PCDHGA10: variants seen among roughly 807,000 people sequenced by gnomAD.
The protein encoded by PCDHGA10 is protocadherin gamma-A10.
In PCDHGA10, 42 loss-of-function variants were observed where a neutral mutation model predicts 59.5. The observed-to-expected ratio is 0.71, with a 90% CI of 0.55 to 0.91. The LOEUF (loss-of-function observed/expected upper bound fraction) is 0.91. Among genes scored for constraint, PCDHGA10 ranks in the 40% least tolerant of loss-of-function variants. The pLI, the probability that PCDHGA10 is intolerant of heterozygous loss-of-function variation, is 0.00. For synonymous variants in PCDHGA10, 511 were observed against 517.2 expected (o/e 0.99, Z 0.16); for missense variants, 1,111 against 1,198.2 (o/e 0.93, Z 1.07).
chr5:141,427,985 C>A (rs747784722), intron 1 of PCDHGA10: 23 of 1,597,524 alleles, frequency 1.4e-5, no homozygotes, highest in Non-Finnish European at 1.9e-5. Context: ...CGCTGGGGCC[C>A]GATGGCTCCG....
At chr5:141,501,313 ACAC>A (rs2099807743) in intron 2 of PCDHGA10, among the ~76,000 whole-genome samples, 1 of 151,686 alleles carries the variant, frequency 6.6e-6, no homozygotes, top group Non-Finnish European at 1.5e-5. Context: ...ACACACACAC[ACAC>A]ACACACACAC....
At position 141,477,271 on chromosome 5, in the gene PCDHGA10, G is replaced by T; in HGVS notation, c.2437-17536G>T. On this transcript the variant is annotated intron_variant, in intron 1 of 3. Transcript: ENST00000398610. The surrounding 1 kb of genome is among the most constrained non-coding windows in gnomAD (Gnocchi z 4.9). ...CTGACCTGGATGCTGGCGAGAACGG[G>T]CTGGTGACCTGCGAAGTTCCACCGG... The T allele has an allele frequency of 1.2e-6, 2 of 1,614,212 alleles. No homozygotes were observed. The highest frequency in any genetic ancestry group is 1.7e-6 in the Non-Finnish European group (2 of 1,180,044).
intron 1 of PCDHGA10, 110 bp from the exon 2 acceptor site, chr5:141,494,697 T>C: frequency 6.3e-7 from 1 of 1,590,934 alleles, no homozygotes; most frequent in Non-Finnish European, 8.6e-7. Flanking sequence ...TAGTCCGTTT[T>C]CTTCTCTGTG....
At position 141,512,047 on chromosome 5, in the gene PCDHGA10, C is replaced by T. The variant is rs1183612907; in HGVS notation, c.*874C>T. 1 of 152,722 alleles carries T rather than the reference C, an allele frequency of 6.5e-6. No individual in the cohort carries two copies. The highest frequency in any genetic ancestry group is 1.5e-5 in the Non-Finnish European group (1 of 68,120). The allele number at this position is 152,722 out of a possible 1,614,324, so 9.5% of individuals were successfully genotyped here. A position where few individuals can be genotyped will look rare whatever the true frequency, so the allele number is the denominator to read the frequency against. On this transcript the variant is annotated 3_prime_UTR_variant, in exon 4 of 4. Coordinates refer to ENST00000398610, the MANE Select transcript of PCDHGA10 (RefSeq NM_018913.3). The stretch of plus-strand genomic sequence containing the variant: ...CCTTGGAGGAGGCTCTGTATGTCCT[C>T]AGGGGACTGACAACATCCTCCAGAT...
rs2099415271 is a variant in PCDHGA10, at chr5:141,477,659, G to A, written c.2437-17148G>A. 6.2e-7 allele frequency: 1 copy of A among 1,614,194 alleles called. No individual in the cohort carries two copies. The highest frequency in any genetic ancestry group is 1.3e-5 in the African/African-American group (1 of 75,046). ...GGGTCGCTATTTCACAATAAATCGT[G>A]ACAATGGCATAGTGTCATCCTTAGT... On this transcript the variant is annotated intron_variant, in intron 1 of 3. Transcript: ENST00000398610. The surrounding 1 kb of genome is among the most constrained non-coding windows in gnomAD (Gnocchi z 4.9).
At chr5:141,484,899 T>G (rs1296997337) in intron 1 of PCDHGA10, 9 of 398,498 alleles carry the variant, frequency 2.3e-5, no homozygotes, top group Non-Finnish European at 3.1e-5. Flanking sequence ...TCCCCTCCAA[T>G]GCTGCGACGC....
intron 2 of PCDHGA10, among the ~76,000 whole-genome samples, chr5:141,503,950 C>T (rs1216385793): frequency 3.3e-5 from 5 of 152,180 alleles, no homozygotes; most frequent in Non-Finnish European, 7.3e-5. Flanking sequence ...CAAGGCCTAC[C>T]CTACAGCCTT....
chr5:141,427,491 G>A (rs1158414276), intron 1 of PCDHGA10: 1 of 553,626 alleles, frequency 1.8e-6, no homozygotes, highest in Non-Finnish European at 3.4e-6. Context: ...CTATAAGCTT[G>A]TAACAGATGG....
chr5:141,455,047 C>T (rs2098811276), intron 1 of PCDHGA10, among the ~76,000 whole-genome samples: 1 of 150,004 alleles, frequency 6.7e-6, no homozygotes, highest in African/African-American at 2.5e-5. Context: ...CTCCTGACCT[C>T]GTGATCCGCC....
At chr5:141,500,223 T>G (rs1034982746) in intron 2 of PCDHGA10, among the ~76,000 whole-genome samples, 16 of 145,318 alleles carry the variant, frequency 1.1e-4, no homozygotes, top group African/African-American at 3.4e-4. Context: ...TTTATTTATT[T>G]ATTGATACGT....
intron 1 of PCDHGA10, chr5:141,422,820 G>A (rs904706749): frequency 6.2e-6 from 10 of 1,614,178 alleles, no homozygotes; most frequent in Non-Finnish European, 7.6e-6. Flanking sequence ...ACTTAGAACT[G>A]AGAGTGATAG....
chr5:141,482,514 G>A (rs2099563611), intron 1 of PCDHGA10, among the ~76,000 whole-genome samples: 1 of 130,122 alleles, frequency 7.7e-6, no homozygotes. Flanking sequence ...CCAGAGTACA[G>A]TATGAGACAG....
intron 1 of PCDHGA10, among the ~76,000 whole-genome samples, chr5:141,463,438 CTTTTT>C (rs71576115): frequency 7.7e-5 from 8 of 103,256 alleles, no homozygotes; most frequent in African/African-American, 2.7e-4. Flanking sequence ...TTTCCTTCTC[CTTTTT>C]TTTTTTTTTT....
intron 1 of PCDHGA10, among the ~76,000 whole-genome samples, chr5:141,439,104 A>G (rs924055175): frequency 6.6e-6 from 1 of 151,676 alleles, no homozygotes; most frequent in African/African-American, 2.4e-5. Flanking sequence ...GAGGCAAGAG[A>G]ATCACTTGAA....
intron 1 of PCDHGA10, chr5:141,423,653 G>A: frequency 6.3e-7 from 1 of 1,578,174 alleles, no homozygotes. Context: ...GACCCGACAA[G>A]TAATCAGGTG....
chr5:141,428,199 C>T (rs760718878), intron 1 of PCDHGA10: 28 of 1,364,510 alleles, frequency 2.1e-5, no homozygotes, highest in Non-Finnish European at 2.9e-5. Flanking sequence ...CTCTCTGCGC[C>T]GCTACGCTTC....
rs758538745 is a variant in PCDHGA10, at chr5:141,414,042, T to A, written c.867T>A (p.Pro289=). Residue 289 remains proline, a synonymous_variant, in exon 1 of 4, where the codon CCT becomes CCA. Transcript: ENST00000398610. ...GEVTYSFRKL[P]DTQLLKFQLN... is the part of the protein sequence containing the mutation. The stretch of plus-strand genomic sequence containing the variant: ...TGACATATTCATTCCGAAAATTACC[T>A]GACACGCAATTGTTGAAGTTCCAAC... 6.2e-7 allele frequency: 1 copy of A among 1,611,324 alleles called. No homozygotes were observed. The highest frequency in any genetic ancestry group is 1.1e-5 in the South Asian group (1 of 90,712).
chr5:141,415,740 G>GTTTTTTTTTTTTTTTTTTTGTTT, intron 1 of PCDHGA10, 129 bp downstream of exon 1: 1 of 617,992 alleles, frequency 1.6e-6, no homozygotes, highest in Non-Finnish European at 2.1e-6. Flanking sequence ...GTTTATTAAG[G>GTTTTTTTTTTTTTTTTTTTGTTT]TTTTTTTTTT....
At chr5:141,478,620 G>A (rs1400703951) in intron 1 of PCDHGA10, 2 of 1,555,472 alleles carry the variant, frequency 1.3e-6, no homozygotes, top group East Asian at 2.4e-5. Context: ...AAGGAATGGA[G>A]CTGTTTTTTT....
Sources: gnomAD v4.1 joint callset for allele counts (sites outside exome capture counted in the v4.1 genomes callset) on GRCh38, gnomAD v4.1.1 for gene constraint, Gnocchi (gnomAD v3.1) non-coding constraint, MANE v1.5 for transcripts, NCBI Gene and HGNC (gene_info 2026-07-23, HGNC 2026-07-21) for gene names.